AP5Z1: variants seen among roughly 807,000 people sequenced by gnomAD.
AP5Z1 encodes AP-5 complex subunit zeta-1.
AP5Z1 carries 106 observed loss-of-function variants against 83.0 expected under a neutral mutation model. That is an observed-to-expected ratio of 1.28 (90% confidence interval 1.09 to 1.50). The LOEUF (loss-of-function observed/expected upper bound fraction) is 1.50. AP5Z1 is among the 40% of genes most tolerant of loss of function. The pLI is 0.00. For synonymous variants in AP5Z1, 751 were observed against 514.1 expected (o/e 1.46, Z -6.23); for missense variants, 1,565 against 1,094.2 (o/e 1.43, Z -6.07).
At chr7:4,787,856 G>T in intron 11 of AP5Z1, 80 bp downstream of exon 11, 1 of 1,453,522 alleles carries the variant, frequency 6.9e-7, no homozygotes, top group Non-Finnish European at 9.1e-7. Context: ...CGCTGCTCCT[G>T]ACCCCTACAC....
chr7:4,786,482 C>G, intron 10 of AP5Z1, 54 bp downstream of exon 10: 1 of 1,589,094 alleles, frequency 6.3e-7, no homozygotes, highest in South Asian at 1.1e-5. Flanking sequence ...GTCCCTGGGG[C>G]TCCTCCCCTC....
At chr7:4,788,794 C>T (rs763232270) in intron 12 of AP5Z1, 46 bp from the exon 13 acceptor site, 35 of 1,490,368 alleles carry the variant, frequency 2.3e-5, no homozygotes, top group Non-Finnish European at 3.0e-5. Context: ...CCTGCAGTCA[C>T]CAGGTCGGGG....
Position 4,783,770 on chromosome 7 carries a change from G to T in AP5Z1, c.593G>T (p.Gly198Val). ...SLQQGLPHSGGFFSTPRARQP... is the reference protein window; with the variant it reads ...SLQQGLPHSGVFFSTPRARQP... The stretch of plus-strand genomic sequence containing the variant: ...CAGCAAGGGCTCCCACACTCCGGCG[G>T]CTTCTTCTCCACGCCCAGGGCCCGG... The change falls in exon 5 of 17, where the codon GGC becomes GTC. Residue 198 changes from glycine (G) to valine (V), a missense_variant. Coordinates refer to ENST00000649063, the MANE Select transcript of AP5Z1 (RefSeq NM_014855.3). 6.5e-7 allele frequency: 1 copy of T among 1,550,156 alleles called. No homozygotes were observed.
chr7:4,788,105 G>T, intron 11 of AP5Z1, 49 bp from the exon 12 acceptor site: 1 of 1,473,048 alleles, frequency 6.8e-7, no homozygotes, highest in East Asian at 2.5e-5. Context: ...GGGTGCCCTT[G>T]AGTGCAGGGG....
chr7:4,784,144 G>A lies in AP5Z1; in HGVS notation c.622-59G>A, dbSNP rs868501496. The stretch of plus-strand genomic sequence containing the variant: ...CACCTCCTGAGGAGCTTGTGCTAAA[G>A]GCTGGCGTTTTTCCCGGCCTCGGCC... On this transcript the variant is annotated intron_variant, in intron 5 of 16. Coordinates refer to ENST00000649063, the MANE Select transcript of AP5Z1 (RefSeq NM_014855.3). 1,216 of 1,518,656 alleles carry A rather than the reference G, an allele frequency of 8.0e-4. 1 individual carries two copies. The highest frequency in any genetic ancestry group is 1.0e-3 in the Non-Finnish European group (1,146 of 1,131,148). The allele number at this position is 1,518,656 out of a possible 1,614,324, so 94.1% of individuals were successfully genotyped here.
At chr7:4,779,077 T>C (rs1283912282) in intron 1 of AP5Z1, among the ~76,000 whole-genome samples, 1 of 146,376 alleles carries the variant, frequency 6.8e-6, no homozygotes, top group Non-Finnish European at 1.5e-5. Flanking sequence ...AATATATTTT[T>C]ATATGTAATA....
At chr7:4,781,113 A>C in intron 1 of AP5Z1, 62 bp from the exon 2 acceptor site, 2 of 1,581,420 alleles carry the variant, frequency 1.3e-6, no homozygotes, top group Non-Finnish European at 1.7e-6. Flanking sequence ...TCCAAGGGTT[A>C]TCCTTTTTTT....
Position 4,788,345 on chromosome 7 carries a change from A to C in AP5Z1, c.1595+51A>C, listed in dbSNP as rs1583237594. 6 of 1,515,762 alleles carry C rather than the reference A, an allele frequency of 4.0e-6. 1 individual carries two copies. The highest frequency in any genetic ancestry group is 2.5e-5 in the South Asian group (2 of 80,048). The allele number at this position is 1,515,762 out of a possible 1,614,324, so 93.9% of individuals were successfully genotyped here. A position where few individuals can be genotyped will look rare whatever the true frequency, so the allele number is the denominator to read the frequency against. On this transcript the variant is annotated intron_variant, in intron 12 of 16. Coordinates refer to ENST00000649063, the MANE Select transcript of AP5Z1 (RefSeq NM_014855.3). ...CACCAGTGGCTCAGAGAGCCCGGCC[A>C]CAGCCACTGGGGTGGGGCTCACTGC...
intron 14 of AP5Z1, chr7:4,790,224 T>C (rs1781713549): frequency 6.5e-7 from 1 of 1,548,324 alleles, no homozygotes; most frequent in Non-Finnish European, 8.7e-7. Flanking sequence ...GCCTGATGCA[T>C]GCAGGCCCAT....
intron 6 of AP5Z1, 61 bp downstream of exon 6, chr7:4,784,432 T>G: frequency 4.6e-6 from 7 of 1,509,948 alleles, no homozygotes; most frequent in Non-Finnish European, 6.2e-6. Context: ...TATGGGTTGG[T>G]CGCAGGGGGA....
At chr7:4,789,115 G>C (rs961794477) in intron 13 of AP5Z1, 164 bp downstream of exon 13, 1 of 614,560 alleles carries the variant, frequency 1.6e-6, no homozygotes. Context: ...CCACAGCCCC[G>C]GCAGGCCCCG....
intron 1 of AP5Z1, among the ~76,000 whole-genome samples, chr7:4,776,618 C>T (rs1031714152): frequency 1.3e-5 from 2 of 151,316 alleles, no homozygotes; most frequent in Non-Finnish European, 2.9e-5. Flanking sequence ...GACTGTAATC[C>T]CAGCTACTCG....
chr7:4,791,681 C>T lies in AP5Z1; in HGVS notation c.*296C>T, dbSNP rs1781779876. On this transcript the variant is annotated 3_prime_UTR_variant, in exon 17 of 17. Transcript: ENST00000649063. ...CTGGGTCGGGTGGAGGCTGCTGGGT[C>T]TGTTTCCTAGTCTTTTGTTTTTGGA... 4.1e-6 allele frequency: 2 copies of T among 491,718 alleles called. No homozygotes were observed. The highest frequency in any genetic ancestry group is 1.9e-5 in the African/African-American group (1 of 52,090). The allele number at this position is 491,718 out of a possible 1,614,324, so 30.5% of individuals were successfully genotyped here.
chr7:4,780,695 G>A (rs1781357851), intron 1 of AP5Z1, among the ~76,000 whole-genome samples: 2 of 152,144 alleles, frequency 1.3e-5, no homozygotes, highest in African/African-American at 4.8e-5. Flanking sequence ...GAACCCCGGA[G>A]GCGAAGGTTG....
chr7:4,781,083 T>TAAAG, intron 1 of AP5Z1, 92 bp from the exon 2 acceptor site: 1 of 1,501,888 alleles, frequency 6.7e-7, no homozygotes, highest in Non-Finnish European at 9.0e-7. Flanking sequence ...TTCTCTTTTC[T>TAAAG]AAAGAGGGAT....
intron 14 of AP5Z1, 95 bp downstream of exon 14, chr7:4,790,024 AC>A: frequency 1.2e-6 from 1 of 828,730 alleles, no homozygotes; most frequent in Non-Finnish European, 1.6e-6. Flanking sequence ...TGGCTTCGGC[AC>A]CACCCCTAGC....
Position 4,776,509 on chromosome 7 carries a change from G to C in AP5Z1, c.41+753G>C, listed in dbSNP as rs886695197. Among the ~76,000 whole-genome samples, 10 of 149,908 alleles carry C rather than the reference G, an allele frequency of 6.7e-5. No individual in the cohort carries two copies. In the Admixed American group the frequency reaches 6.7e-4, roughly 10 times the overall value. On this transcript the variant is annotated intron_variant, in intron 1 of 16. Transcript: ENST00000649063. ...AGGCAGGCGGATCACCTGAGGTCAG[G>C]AGTTCGAGACCAGCGTGCCCAACAT...
chr7:4,784,790 A>ACGCCTCC, intron 6 of AP5Z1, 118 bp from the exon 7 acceptor site: 4 of 1,361,964 alleles, frequency 2.9e-6, no homozygotes, highest in Admixed American at 2.8e-5. Flanking sequence ...GTGACGCCTC[A>ACGCCTCC]CGCCTCCCGG....
In AP5Z1 at chr7:4,784,981, G is replaced by A. The variant is rs372643577; in HGVS notation, c.864G>A (p.Pro288=). 72 of 1,612,130 alleles carry A rather than the reference G, an allele frequency of 4.5e-5. 1 individual carries two copies. Among genetic ancestry groups the A allele is most frequent in the South Asian group, 1.5e-4 (14 of 91,022 alleles). ...SATSSAGRLL[P]PRERLREVAF... ...CCTCCTCTGCCGGCCGCCTGCTGCC[G>A]CCCCGGGAGCGGCTTCGGGAGGTGG... Residue 288 remains proline (P), a synonymous_variant, in exon 7 of 17, where the codon CCG becomes CCA. Coordinates refer to ENST00000649063, the MANE Select transcript of AP5Z1 (RefSeq NM_014855.3).
Sources: allele counts gnomAD v4.1 joint callset (sites outside exome capture counted in the v4.1 genomes callset), GRCh38; gene constraint gnomAD v4.1.1; transcripts MANE v1.5; gene names NCBI Gene and HGNC (gene_info 2026-07-23, HGNC 2026-07-21).